The following DSE variants were observed in gnomAD, a reference collection of about 807,000 sequenced individuals.
DSE encodes dermatan-sulfate epimerase.
A neutral mutation model predicts 84.4 loss-of-function variants in DSE; 36 were observed. The observed-to-expected ratio is 0.43, with a 90% CI of 0.33 to 0.56. The LOEUF (loss-of-function observed/expected upper bound fraction) is 0.56, where lower values mean the gene tolerates loss of function less well. Among genes scored for constraint, DSE ranks in the 20% least tolerant of loss-of-function variants. The pLI, the probability that DSE is intolerant of heterozygous loss-of-function variation, is 0.06. For synonymous variants in DSE, 410 were observed against 430.1 expected, an observed-to-expected ratio of 0.95 and a Z score of 0.58; for missense variants, 862 against 1,169.6, an observed-to-expected ratio of 0.74 and a Z score of 3.84.
chr6:116,434,352 C>A (rs1784027143), intron 5 of DSE, among the ~76,000 whole-genome samples: 1 of 151,940 alleles, frequency 6.6e-6, no homozygotes, highest in Non-Finnish European at 1.5e-5. Context: ...TTCTCTTTAT[C>A]CTTTTTTTTC....
At chr6:116,370,099 G>A, upstream of DSE, 1 of 491,066 alleles carries the variant, frequency 2.0e-6, no homozygotes, top group Non-Finnish European at 3.3e-6. Flanking sequence ...AGCAGTGGCT[G>A]ATTTTTGGAA....
chr6:116,307,525 C>T (rs190298160), intron 2 of DSE, among the ~76,000 whole-genome samples: 55 of 152,238 alleles, frequency 3.6e-4, no homozygotes, highest in African/African-American at 1.2e-3. Flanking sequence ...ATAATGTATG[C>T]TTATAATAAT....
chr6:116,441,671 C>T lies in DSE; in HGVS notation c.*4326C>T, dbSNP rs959723583. On this transcript the variant is annotated 3_prime_UTR_variant, in exon 6 of 6. Transcript: ENST00000644252. Reference sequence around the variant, plus strand: ...AGGTTAGGCTTTATTGATGTCTCCACTTCCATTCTCTGTGTCATTTTGAAA... The same window carrying T: ...AGGTTAGGCTTTATTGATGTCTCCATTTCCATTCTCTGTGTCATTTTGAAA... 1 of 152,200 alleles carries T rather than the reference C, an allele frequency of 6.6e-6. No individual in the cohort carries two copies. Among genetic ancestry groups the T allele is most frequent in the African/African-American group, 2.4e-5 (1 of 41,454 alleles). 9.4% of individuals were successfully genotyped at this position (152,200 alleles called of 1,614,324 possible).
At chr6:116,369,665 A>T (rs1779386388), upstream of DSE, among the ~76,000 whole-genome samples, 1 of 152,236 alleles carries the variant, frequency 6.6e-6, no homozygotes, top group African/African-American at 2.4e-5. Context: ...AGCATCAAGA[A>T]GTTTATGCAA....
At chr6:116,345,095 C>A (rs1265612948) in intron 2 of DSE, among the ~76,000 whole-genome samples, 2 of 152,196 alleles carry the variant, frequency 1.3e-5, no homozygotes, top group Non-Finnish European at 2.9e-5. Flanking sequence ...GCACCCAATA[C>A]AGGAGCACCC....
chr6:116,291,931 A>G (rs1182044233), intron 2 of DSE, among the ~76,000 whole-genome samples: 1 of 152,194 alleles, frequency 6.6e-6, no homozygotes, highest in Non-Finnish European at 1.5e-5. Context: ...TGATTGAGTT[A>G]TGGAATACAG....
intron 2 of DSE, among the ~76,000 whole-genome samples, chr6:116,316,838 T>TTATTATTATTAC (rs1287205921): frequency 2.0e-5 from 3 of 150,488 alleles, no homozygotes; most frequent in African/African-American, 7.3e-5. Flanking sequence ...ATTATTATTA[T>TTATTATTATTAC]TATTATTATT....
chr6:116,308,709 A>G (rs1287963431), intron 2 of DSE, among the ~76,000 whole-genome samples: 3 of 151,634 alleles, frequency 2.0e-5, no homozygotes, highest in Non-Finnish European at 4.4e-5. Context: ...ATGGAGTCTC[A>G]CTCTGTCACC....
chr6:116,345,103 C>G (rs1329118130), intron 2 of DSE, among the ~76,000 whole-genome samples: 2 of 152,140 alleles, frequency 1.3e-5, no homozygotes, highest in Admixed American at 6.6e-5. Flanking sequence ...TACAGGAGCA[C>G]CCAGATTCAT....
At chr6:116,310,160 T>C (rs1775602375) in intron 2 of DSE, among the ~76,000 whole-genome samples, 1 of 152,184 alleles carries the variant, frequency 6.6e-6, no homozygotes, top group South Asian at 2.1e-4. Context: ...CTGGATCCTA[T>C]GACTTGTAGG....
chr6:116,403,478 G>A, intron 2 of DSE, among the ~76,000 whole-genome samples: 1 of 151,820 alleles, frequency 6.6e-6, no homozygotes, highest in South Asian at 2.1e-4. Flanking sequence ...AAGTTCTACT[G>A]TAACTTTTCC....
At chr6:116,288,300 A>G (rs1176348423) in intron 2 of DSE, 1 of 152,164 alleles carries the variant, frequency 6.6e-6, no homozygotes, top group Non-Finnish European at 1.5e-5. Context: ...AATGAATAGA[A>G]GATGGTAATA....
chr6:116,399,189 C>G lies in DSE; in HGVS notation c.-53-9C>G, dbSNP rs1204432489. On this transcript the variant is annotated splice_polypyrimidine_tract_variant and intron_variant, in intron 1 of 5. Coordinates refer to ENST00000644252, the MANE Select transcript of DSE (RefSeq NM_013352.4). ...GACAGACACTTTTTTTCCTTTTTAT[C>G]TCACGTAGGATCTTTCGAAGATGGT... 2 of 1,601,680 alleles carry G rather than the reference C, an allele frequency of 1.2e-6. No homozygotes were observed. The highest frequency in any genetic ancestry group is 2.2e-5 in the South Asian group (2 of 90,484).
In DSE at chr6:116,379,467, C is replaced by G. The variant is rs559385827; in HGVS notation, c.-54+8346C>G. On this transcript the variant is annotated intron_variant, in intron 1 of 5. Coordinates refer to ENST00000644252, the MANE Select transcript of DSE (RefSeq NM_013352.4). ...TTCCAGATTACTCCTAGTTCTCTTC[C>G]TCCTCTATCTTTACTTTAATTCTTC... Among the ~76,000 whole-genome samples the G allele has an allele frequency of 9.8e-4, 149 of 152,218 alleles. 1 individual carries two copies. Among genetic ancestry groups the G allele is most frequent in the African/African-American group, 3.4e-3 (143 of 41,562 alleles).
chr6:116,259,003 T>G (rs377552128), intron 2 of DSE: 19 of 1,502,648 alleles, frequency 1.3e-5, no homozygotes, highest in Admixed American at 1.0e-4. Context: ...CACTGCAATG[T>G]AATCCTGCAG....
At chr6:116,408,580 T>A (rs1782089652) in intron 2 of DSE, among the ~76,000 whole-genome samples, 1 of 152,228 alleles carries the variant, frequency 6.6e-6, no homozygotes, top group Admixed American at 6.5e-5. Flanking sequence ...CTGCTCCTAC[T>A]TATCTGGTCT....
upstream of DSE, chr6:116,369,731 G>C: frequency 5.5e-6 from 2 of 364,268 alleles, no homozygotes; most frequent in Non-Finnish European, 1.1e-5. Flanking sequence ...ACTTCCTCTT[G>C]ACCTGTTTGT....
At chr6:116,315,415 A>T (rs1262681256) in intron 2 of DSE, among the ~76,000 whole-genome samples, 3 of 151,974 alleles carry the variant, frequency 2.0e-5, no homozygotes, top group African/African-American at 7.2e-5. Flanking sequence ...AAATGTCATA[A>T]GGGCAGGAAT....
intron 2 of DSE, among the ~76,000 whole-genome samples, chr6:116,414,971 C>T (rs1782606586): frequency 6.6e-6 from 1 of 152,144 alleles, no homozygotes; most frequent in Admixed American, 6.5e-5. Flanking sequence ...AGAAGTAATG[C>T]TGCATCTTTT....
Sources: allele counts gnomAD v4.1 joint callset (sites outside exome capture counted in the v4.1 genomes callset), GRCh38; gene constraint gnomAD v4.1.1; transcripts MANE v1.5; gene names NCBI Gene and HGNC (gene_info 2026-07-23, HGNC 2026-07-21).